Variants in SLC5A4 observed in about 807,000 individuals in gnomAD.
SLC5A4 encodes probable glucose sensor protein SLC5A4.
In SLC5A4, 55 loss-of-function variants were observed where a neutral mutation model predicts 70.3. The ratio of observed to expected loss-of-function variants is 0.78; its 90% CI spans 0.63 to 0.98. The LOEUF is 0.98. SLC5A4 is among the 50% of genes least tolerant of loss of function. SLC5A4 has a pLI of 0.00. For synonymous variants in SLC5A4, 268 were observed against 305.7 expected, an observed-to-expected ratio of 0.88 and a Z score of 1.29; for missense variants, 735 against 839.2, an observed-to-expected ratio of 0.88 and a Z score of 1.53.
At chr22:32,230,383 T>C (rs1308069862) in intron 10 of SLC5A4, among the ~76,000 whole-genome samples, 2 of 152,168 alleles carry the variant, frequency 1.3e-5, no homozygotes, top group East Asian at 3.9e-4. Context: ...GTATTTCCTA[T>C]GTGGTTTATT....
rs75668516 is a variant in SLC5A4, at chr22:32,248,568, C to G, written c.372+175G>C. Among the ~76,000 whole-genome samples, 1,038 of 152,270 alleles carry G rather than the reference C, an allele frequency of 6.8e-3. 15 individuals carry two copies. Among genetic ancestry groups the G allele is most frequent in the African/African-American group, 0.024 (997 of 41,536 alleles). The stretch of plus-strand genomic sequence containing the variant: ...CATATCTTCCCTGTTATATAAACCC[C>G]TAATTTTAGTCCATCAGGAAGATGG... On this transcript the variant is annotated intron_variant, in intron 4 of 14. Transcript: ENST00000266086.
chr22:32,264,562 C>A, the SLC5A4 span, among the ~76,000 whole-genome samples: 1 of 152,018 alleles, frequency 6.6e-6, no homozygotes, highest in Non-Finnish European at 1.5e-5. Flanking sequence ...GCGACAGAGA[C>A]CCAGTCTCAA....
chr22:32,304,214 T>C, the SLC5A4 span, among the ~76,000 whole-genome samples: 2 of 152,106 alleles, frequency 1.3e-5, no homozygotes, highest in African/African-American at 4.8e-5. Context: ...GCAACCTCTG[T>C]CTCCTGGGTT....
At chr22:32,337,195 T>C in the SLC5A4 span, among the ~76,000 whole-genome samples, 2 of 152,202 alleles carry the variant, frequency 1.3e-5, no homozygotes, top group Non-Finnish European at 2.9e-5. Context: ...CTGGCTATCA[T>C]CGCCCTGGGT....
At chr22:32,277,360 AT>A in the SLC5A4 span, among the ~76,000 whole-genome samples, 1 of 152,196 alleles carries the variant, frequency 6.6e-6, no homozygotes, top group Non-Finnish European at 1.5e-5. Context: ...TAGAATAGAA[AT>A]TATTTTAACT....
At position 32,237,338 on chromosome 22, in the gene SLC5A4, G is replaced by T; in HGVS notation, c.584-14C>A. On this transcript the variant is annotated splice_polypyrimidine_tract_variant and intron_variant, in intron 6 of 14. Coordinates refer to ENST00000266086, the MANE Select transcript of SLC5A4 (RefSeq NM_014227.3). ...AGGCCAAGCCCCCTAGTGAGAGAAAGAAAAGAACCAGGGCATTTTATCCAT... is the reference window on the plus strand; with the variant it reads ...AGGCCAAGCCCCCTAGTGAGAGAAATAAAAGAACCAGGGCATTTTATCCAT... 1 of 1,567,492 alleles carries T rather than the reference G, an allele frequency of 6.4e-7. No homozygotes were observed. Among genetic ancestry groups the T allele is most frequent in the South Asian group, 1.2e-5 (1 of 85,212 alleles).
chr22:32,239,518 TTATATATATATATATATA>T (rs1173210993), intron 5 of SLC5A4, among the ~76,000 whole-genome samples: 6 of 25,230 alleles, frequency 2.4e-4, no homozygotes, highest in Non-Finnish European at 3.4e-4. Flanking sequence ...GGAGTGCATA[TTATATATATATATATATA>T]TATATATATA....
At chr22:32,313,790 TG>T in the SLC5A4 span, among the ~76,000 whole-genome samples, 1 of 148,810 alleles carries the variant, frequency 6.7e-6, no homozygotes, top group Non-Finnish European at 1.5e-5. Context: ...GTCATGTAAG[TG>T]GGAGTCTATT....
chr22:32,272,316 A>G, the SLC5A4 span: 1 of 823,764 alleles, frequency 1.2e-6, no homozygotes, highest in Non-Finnish European at 2.1e-6. Flanking sequence ...GGGGCCCGTG[A>G]CTGCCCTGTG....
upstream of SLC5A4, chr22:32,255,392 T>G: frequency 3.2e-6 from 5 of 1,575,682 alleles, no homozygotes; most frequent in Non-Finnish European, 4.4e-6. Context: ...TCTGGGTTAA[T>G]GATCAGCCTC....
At chr22:32,327,894 G>A in the SLC5A4 span, among the ~76,000 whole-genome samples, 16 of 152,160 alleles carry the variant, frequency 1.1e-4, no homozygotes, top group South Asian at 2.1e-4. Flanking sequence ...GGGGCACCTC[G>A]GGCATGGCAT....
intron 9 of SLC5A4, 150 bp downstream of exon 9, chr22:32,232,749 C>A: frequency 1.1e-6 from 1 of 904,910 alleles, no homozygotes. Context: ...ATTTTCCTGC[C>A]TTTGACCACT....
chr22:32,344,666 AAAATATAGG>A, the SLC5A4 span, among the ~76,000 whole-genome samples: 2 of 152,212 alleles, frequency 1.3e-5, no homozygotes, highest in African/African-American at 4.8e-5. Context: ...ATACACATTA[AAAATATAGG>A]AAATTTCATG....
At chr22:32,258,348 T>C (rs915980932), upstream of SLC5A4, among the ~76,000 whole-genome samples, 1 of 152,140 alleles carries the variant, frequency 6.6e-6, no homozygotes, top group Admixed American at 6.6e-5. Context: ...GGAAGTATGG[T>C]TGATTCCAAA....
intron 7 of SLC5A4, among the ~76,000 whole-genome samples, chr22:32,235,537 G>A (rs1926009000): frequency 1.3e-5 from 2 of 152,132 alleles, no homozygotes; most frequent in African/African-American, 4.8e-5. Flanking sequence ...CCCAGAGCTT[G>A]GCTCTTTTGA....
the SLC5A4 span, chr22:32,272,401 G>C: frequency 1.1e-6 from 1 of 908,888 alleles, no homozygotes; most frequent in Non-Finnish European, 1.8e-6. Context: ...CGAGCTGACG[G>C]GCATGGCCTT....
At chr22:32,308,299 C>A in the SLC5A4 span, among the ~76,000 whole-genome samples, 1 of 137,166 alleles carries the variant, frequency 7.3e-6, no homozygotes, top group Non-Finnish European at 1.5e-5. Context: ...TCTGCACCTC[C>A]AGGAACCCCA....
chr22:32,328,196 T>C, the SLC5A4 span, among the ~76,000 whole-genome samples: 1 of 151,952 alleles, frequency 6.6e-6, no homozygotes, highest in Non-Finnish European at 1.5e-5. Context: ...CCCCCATCTG[T>C]AAAATGTGGC....
At position 32,231,083 on chromosome 22, in the gene SLC5A4, A is replaced by T; in HGVS notation, c.1022-8T>A. On this transcript the variant is annotated splice_polypyrimidine_tract_variant and splice_region_variant and intron_variant, in intron 9 of 14. Transcript: ENST00000266086. ...CCACACATGCTACCATATCTGGGGA[A>T]GAATTCAGAAGTGAGTCCAATGAGG... 6.3e-7 allele frequency: 1 copy of T among 1,580,330 alleles called. No individual in the cohort carries two copies. Among genetic ancestry groups the T allele is most frequent in the Non-Finnish European group, 8.7e-7 (1 of 1,149,438 alleles).
Sources: allele counts gnomAD v4.1 joint callset (sites outside exome capture counted in the v4.1 genomes callset), GRCh38; gene constraint gnomAD v4.1.1; transcripts MANE v1.5; gene names NCBI Gene and HGNC (gene_info 2026-07-23, HGNC 2026-07-21).